Variants in ST18 observed in about 807,000 individuals in gnomAD.
ST18 encodes the protein suppression of tumorigenicity 18 protein.
A neutral mutation model predicts 110.0 loss-of-function variants in ST18; 50 were observed. The ratio of observed to expected loss-of-function variants is 0.45; its 90% CI spans 0.36 to 0.58. The LOEUF is 0.58. Ranked by LOEUF, ST18 falls within the 20% of genes least tolerant of loss-of-function variation. The pLI, the probability that ST18 is intolerant of heterozygous loss-of-function variation, is 0.00. For missense variants in ST18, 1,306 were observed against 1,280.1 expected (o/e 1.02, Z -0.31); for synonymous variants, 461 against 452.4 (o/e 1.02, Z -0.24).
chr8:52,146,561 C>G (rs1336606302), intron 16 of ST18, among the ~76,000 whole-genome samples: 1 of 151,984 alleles, frequency 6.6e-6, no homozygotes, highest in Admixed American at 6.6e-5. Flanking sequence ...TCACATTTCT[C>G]CTCTAAAAAA....
At chr8:52,137,393 T>C in intron 18 of ST18, 28 bp downstream of exon 18, 1 of 1,613,180 alleles carries the variant, frequency 6.2e-7, no homozygotes, top group Non-Finnish European at 8.5e-7. Flanking sequence ...ACCATGAAAA[T>C]CTGACTGCAC....
At chr8:52,286,223 C>T (rs945213122) in intron 2 of ST18, among the ~76,000 whole-genome samples, 1 of 152,112 alleles carries the variant, frequency 6.6e-6, no homozygotes, top group Non-Finnish European at 1.5e-5. Context: ...TTGCAAATGT[C>T]CACACTCAAA....
intron 20 of ST18, 47 bp downstream of exon 20, chr8:52,133,192 C>T: frequency 6.2e-7 from 1 of 1,614,174 alleles, no homozygotes; most frequent in South Asian, 1.1e-5. Flanking sequence ...TCTCTGACTG[C>T]TGCCGACAAG....
intron 2 of ST18, among the ~76,000 whole-genome samples, chr8:52,249,967 C>A (rs1459294041): frequency 6.6e-6 from 1 of 152,000 alleles, no homozygotes; most frequent in Non-Finnish European, 1.5e-5. Flanking sequence ...CTTCCTCCCC[C>A]CGACCCCAGC....
At chr8:52,338,933 CAG>C (rs1343528268) in intron 2 of ST18, among the ~76,000 whole-genome samples, 1 of 151,368 alleles carries the variant, frequency 6.6e-6, no homozygotes. Flanking sequence ...CTGGGGGAGA[CAG>C]GGTCTCAGTA....
chr8:52,253,034 T>C (rs2094391032), intron 2 of ST18, among the ~76,000 whole-genome samples: 1 of 152,062 alleles, frequency 6.6e-6, no homozygotes, highest in African/African-American at 2.4e-5. Flanking sequence ...TCATCAGTTT[T>C]TTTTTTTCTT....
rs757938433 is a variant in ST18 at position 52,158,996 on chromosome 8, T to G, written c.1708A>C (p.Thr570Pro). The G allele has an allele frequency of 1.3e-5, 21 of 1,613,976 alleles. No individual in the cohort carries two copies. Among genetic ancestry groups the G allele is most frequent in the Admixed American group, 1.0e-4 (6 of 60,008 alleles). The change falls in exon 15 of 26, where the codon ACC (threonine) becomes CCC (proline). Residue 570 changes from threonine to proline, a missense_variant. Transcript: ENST00000689386. ...ATGGCAGCAGCTGCTGCTATGTGGGTGTCTTCACTACATTGACCGTAGCTA... is the reference window on the plus strand; with the variant it reads ...ATGGCAGCAGCTGCTGCTATGTGGGGGTCTTCACTACATTGACCGTAGCTA... ...SYSYGQCSEDTHIAAAAAILN... is the reference protein window; with the variant it reads ...SYSYGQCSEDPHIAAAAAILN...
chr8:52,270,965 G>A (rs908439688), intron 2 of ST18, among the ~76,000 whole-genome samples: 10 of 150,978 alleles, frequency 6.6e-5, no homozygotes, highest in African/African-American at 9.8e-5. Context: ...AGGGCATCTC[G>A]GCTCACTGCA....
chr8:52,144,475 C>T (rs1007964647), intron 16 of ST18, among the ~76,000 whole-genome samples: 4 of 152,062 alleles, frequency 2.6e-5, no homozygotes, highest in African/African-American at 9.7e-5. Context: ...CGATCTCAGT[C>T]ATCAAGGCAA....
At chr8:52,176,040 T>A (rs186479861) in intron 9 of ST18, among the ~76,000 whole-genome samples, 1 of 151,982 alleles carries the variant, frequency 6.6e-6, no homozygotes, top group Non-Finnish European at 1.5e-5. Flanking sequence ...TTTTTTTTTT[T>A]AGACGGAGTC....
At chr8:52,313,698 T>G (rs1336737533) in intron 2 of ST18, among the ~76,000 whole-genome samples, 1 of 152,046 alleles carries the variant, frequency 6.6e-6, no homozygotes, top group African/African-American at 2.4e-5. Flanking sequence ...CACCTTAGGA[T>G]GGAGAGCTTG....
intron 2 of ST18, among the ~76,000 whole-genome samples, chr8:52,400,867 C>T (rs1842635594): frequency 6.6e-6 from 1 of 152,094 alleles, no homozygotes; most frequent in Non-Finnish European, 1.5e-5. Flanking sequence ...GCCACCACTA[C>T]AGTAATTACA....
chr8:52,149,888 G>A lies in ST18; in HGVS notation c.1896C>T (p.Ser632=). Residue 632 remains serine (S), a synonymous_variant, in exon 16 of 26, where the codon TCC becomes TCT. Coordinates refer to ENST00000689386, the MANE Select transcript of ST18 (RefSeq NM_001352837.2). ...AAGGAGTTGGAATAGAAGTGTTAGA[G>A]GAAGTTAGGGGTGCAGACTTGTCCA... ...RILDKSAPLT[S]SNTSIPTPSS... is the part of the protein sequence containing the mutation. The A allele has an allele frequency of 6.2e-7, 1 of 1,614,152 alleles. No individual in the cohort carries two copies. Among genetic ancestry groups the A allele is most frequent in the Non-Finnish European group, 8.5e-7 (1 of 1,180,036 alleles).
chr8:52,309,309 TC>T (rs1272013091), intron 2 of ST18, among the ~76,000 whole-genome samples: 1 of 151,966 alleles, frequency 6.6e-6, no homozygotes, highest in African/African-American at 2.4e-5. Context: ...TCACCTGAGG[TC>T]AGGATTTCGA....
intron 7 of ST18, 83 bp downstream of exon 7, chr8:52,214,120 T>C (rs1223175192): frequency 2.4e-5 from 34 of 1,411,816 alleles, no homozygotes; most frequent in Non-Finnish European, 3.4e-5. Context: ...TCATTCTGAC[T>C]GCACACGAGG....
chr8:52,312,034 T>C (rs780571686), intron 2 of ST18, among the ~76,000 whole-genome samples: 2 of 152,226 alleles, frequency 1.3e-5, no homozygotes, highest in South Asian at 4.1e-4. Flanking sequence ...TACCTTTGCA[T>C]TAACCTCTCA....
In ST18 at chr8:52,339,571, A is replaced by G. The variant is rs117899698; in HGVS notation, c.-465+69757T>C. ...TGAATTTTAAGGAGCCCCCAGCTCCACAGACTTGCCTGATGGCTTCTGCCC... is the reference window on the plus strand; with the variant it reads ...TGAATTTTAAGGAGCCCCCAGCTCCGCAGACTTGCCTGATGGCTTCTGCCC... On this transcript the variant is annotated intron_variant, in intron 2 of 25. Transcript: ENST00000689386. Among the ~76,000 whole-genome samples the G allele has an allele frequency of 7.8e-3, 1,181 of 152,336 alleles. 8 individuals carry two copies. Among genetic ancestry groups the G allele is most frequent in the Non-Finnish European group, 0.013 (893 of 68,032 alleles).
intron 2 of ST18, among the ~76,000 whole-genome samples, chr8:52,245,935 C>T (rs1183902434): frequency 6.6e-6 from 1 of 151,976 alleles, no homozygotes; most frequent in East Asian, 1.9e-4. Flanking sequence ...TATATGAGAT[C>T]GGAAATTCTC....
At position 52,303,753 on chromosome 8, in the gene ST18, G is replaced by T. The variant is rs553423090; in HGVS notation, c.-464-73676C>A. On this transcript the variant is annotated intron_variant, in intron 2 of 25. Transcript: ENST00000689386. ...CATAGTGTTCAAAAGCATCAAAGTC[G>T]TGCAAGCTAAGGAAAAACTTAGGAA... 5.3e-5 allele frequency among the ~76,000 whole-genome samples: 8 copies of T among 152,304 alleles called. No homozygotes were observed. The East Asian group carries it at 1.5e-3, about 29-fold the overall frequency.
Sources: gnomAD v4.1 joint callset for allele counts (sites outside exome capture counted in the v4.1 genomes callset) on GRCh38, gnomAD v4.1.1 for gene constraint, MANE v1.5 for transcripts, NCBI Gene and HGNC (gene_info 2026-07-23, HGNC 2026-07-21) for gene names.